DLGAP1: variants seen among roughly 807,000 people sequenced by gnomAD.
DLGAP1 encodes DLG associated protein 1, also known as disks large-associated protein 1.
Under a neutral mutation model 90.8 loss-of-function variants are expected in DLGAP1, and 11 were observed. That is an observed-to-expected ratio of 0.12 (90% CI 0.08 to 0.20). DLGAP1 has a LOEUF of 0.20. DLGAP1 is among the 10% of genes least tolerant of loss of function. DLGAP1 has a pLI of 1.00. For synonymous variants in DLGAP1, 558 were observed against 540.7 expected (o/e 1.03, Z -0.44); for missense variants, 1,050 against 1,333.8 (o/e 0.79, Z 3.31).
At chr18:4,226,480 CA>C (rs1003139799) in intron 1 of DLGAP1, among the ~76,000 whole-genome samples, 1 of 151,676 alleles carries the variant, frequency 6.6e-6, no homozygotes, top group African/African-American at 2.4e-5. Context: ...ATAATAACTA[CA>C]AAAACTTTTC....
intron 11 of DLGAP1, among the ~76,000 whole-genome samples, chr18:3,504,848 C>A (rs1373216244): frequency 6.6e-6 from 1 of 152,150 alleles, no homozygotes. Context: ...ATACCATGCA[C>A]AACAGTGGCA....
rs181989422 is a variant in DLGAP1, at chr18:4,044,689, C to T, written c.-158-39488G>A. Among the ~76,000 whole-genome samples, 213 of 152,148 alleles carry T rather than the reference C, an allele frequency of 1.4e-3. 1 individual carries two copies. Among genetic ancestry groups the T allele is most frequent in the African/African-American group, 4.7e-3 (197 of 41,504 alleles). ...CCAGGAGGCAGAGGTTGCAGTAAGC[C>T]GAGGTTGCACCACTGCATTCTAGCC... On this transcript the variant is annotated intron_variant, in intron 2 of 12. Coordinates refer to ENST00000315677, the MANE Select transcript of DLGAP1 (RefSeq NM_004746.4).
intron 1 of DLGAP1, among the ~76,000 whole-genome samples, chr18:4,361,364 G>T (rs997145791): frequency 4.6e-5 from 7 of 152,078 alleles, no homozygotes; most frequent in African/African-American, 1.7e-4. Flanking sequence ...ACACTGTAAA[G>T]CTACAGTAAT....
At chr18:3,656,427 A>G (rs149385710) in intron 7 of DLGAP1, 7 of 322,312 alleles carry the variant, frequency 2.2e-5, no homozygotes, top group African/African-American at 1.1e-4. Flanking sequence ...ATACCAGATT[A>G]TGGATCAATA....
At chr18:3,916,039 G>A (rs4798142) in intron 3 of DLGAP1, among the ~76,000 whole-genome samples, 44,586 of 152,032 alleles carry the variant, frequency 0.29, 7,706 homozygotes, top group Admixed American at 0.41. Flanking sequence ...ACTGAATTAT[G>A]GTCACCCTTG....
chr18:4,376,471 A>G (rs2082016336), intron 1 of DLGAP1, among the ~76,000 whole-genome samples: 2 of 152,152 alleles, frequency 1.3e-5, no homozygotes, highest in Admixed American at 6.6e-5. Context: ...GTGGAAATAA[A>G]AGTGATCAAT....
At chr18:3,714,639 GTTT>G (rs869196557) in intron 7 of DLGAP1, among the ~76,000 whole-genome samples, 6,337 of 93,042 alleles carry the variant, frequency 0.068, 572 homozygotes, top group African/African-American at 0.24. Flanking sequence ...TGATTACGTG[GTTT>G]TTTTTTTTTT....
chr18:4,371,416 T>TC (rs1219377004), intron 1 of DLGAP1, among the ~76,000 whole-genome samples: 1 of 152,226 alleles, frequency 6.6e-6, no homozygotes, highest in Non-Finnish European at 1.5e-5. Flanking sequence ...TTGTTTGCTT[T>TC]CCATAAAATA....
chr18:3,541,877 T>A (rs1599137620), intron 9 of DLGAP1, among the ~76,000 whole-genome samples: 1 of 150,794 alleles, frequency 6.6e-6, no homozygotes, highest in Non-Finnish European at 1.5e-5. Context: ...CTTCTGGAAA[T>A]GCAAATGGAA....
chr18:3,909,268 T>A (rs1305557910), intron 3 of DLGAP1, among the ~76,000 whole-genome samples: 1 of 152,164 alleles, frequency 6.6e-6, no homozygotes, highest in East Asian at 1.9e-4. Flanking sequence ...TTGCTTAGGG[T>A]CATGGCCTAC....
chr18:3,759,597 T>C (rs555120993), intron 5 of DLGAP1, among the ~76,000 whole-genome samples: 13 of 152,232 alleles, frequency 8.5e-5, no homozygotes, highest in African/African-American at 2.4e-4. Flanking sequence ...CAATACAAAA[T>C]GAATGCCGAC....
intron 7 of DLGAP1, among the ~76,000 whole-genome samples, chr18:3,659,837 T>G (rs2059626966): frequency 6.6e-6 from 1 of 152,204 alleles, no homozygotes; most frequent in Non-Finnish European, 1.5e-5. Flanking sequence ...GTGCTGGGAT[T>G]ACACGCATGA....
At chr18:3,513,802 A>G (rs7242739) in intron 10 of DLGAP1, among the ~76,000 whole-genome samples, 2,876 of 152,236 alleles carry the variant, frequency 0.019, 79 homozygotes, top group African/African-American at 0.063. Context: ...ACATTCAAAG[A>G]CCCAGCCATT....
At chr18:3,597,160 G>C (rs779559846) in intron 7 of DLGAP1, 1 of 403,424 alleles carries the variant, frequency 2.5e-6, no homozygotes, top group Admixed American at 3.0e-5. Flanking sequence ...TCTGTACTCT[G>C]TCTGTTTGCA....
intron 3 of DLGAP1, among the ~76,000 whole-genome samples, chr18:3,964,099 G>A (rs1384502172): frequency 1.3e-5 from 2 of 151,990 alleles, no homozygotes; most frequent in Non-Finnish European, 2.9e-5. Flanking sequence ...AGGAGGAGTG[G>A]GTTAAGATGA....
intron 1 of DLGAP1, among the ~76,000 whole-genome samples, chr18:4,261,543 T>C (rs1428657844): frequency 6.6e-6 from 1 of 152,166 alleles, no homozygotes; most frequent in African/African-American, 2.4e-5. Flanking sequence ...TTATCTACTC[T>C]AGAAAACATT....
At chr18:3,536,116 G>C (rs1426055510) in intron 9 of DLGAP1, among the ~76,000 whole-genome samples, 1 of 151,950 alleles carries the variant, frequency 6.6e-6, no homozygotes, top group East Asian at 1.9e-4. Context: ...TTTTTCCAGG[G>C]GCAACTCTTA....
At chr18:4,288,858 TTTTAAC>T (rs775376426) in intron 1 of DLGAP1, among the ~76,000 whole-genome samples, 64 of 151,472 alleles carry the variant, frequency 4.2e-4, no homozygotes, top group Non-Finnish European at 7.6e-4. Flanking sequence ...AGGTTTTCAT[TTTTAAC>T]TTTAATTTCT....
At chr18:3,786,532 G>C (rs1240197947) in intron 5 of DLGAP1, among the ~76,000 whole-genome samples, 1 of 152,152 alleles carries the variant, frequency 6.6e-6, no homozygotes, top group Admixed American at 6.5e-5. Context: ...GGTATGTGTG[G>C]TCTTGGGTTT....
Sources: gnomAD v4.1 joint callset for allele counts (sites outside exome capture counted in the v4.1 genomes callset) on GRCh38, gnomAD v4.1.1 for gene constraint, MANE v1.5 for transcripts, NCBI Gene and HGNC (gene_info 2026-07-23, HGNC 2026-07-21) for gene names.